Variants in USP25 observed in about 807,000 individuals in gnomAD.
The protein encoded by USP25 is ubiquitin specific peptidase 25.
A neutral mutation model predicts 158.5 loss-of-function variants in USP25; 85 were observed. The observed-to-expected ratio is 0.54, with a 90% CI of 0.45 to 0.64. USP25 has a LOEUF of 0.64. Among genes scored for constraint, USP25 ranks in the 30% least tolerant of loss-of-function variants. The pLI, the probability that USP25 is intolerant of heterozygous loss-of-function variation, is 0.00. For synonymous variants in USP25, 464 were observed against 460.4 expected (o/e 1.01, Z -0.10); for missense variants, 1,242 against 1,327.3 (o/e 0.94, Z 1.00).
intron 2 of USP25, 140 bp downstream of exon 2, chr21:15,763,108 T>A (rs1416219054): frequency 5.6e-6 from 4 of 709,022 alleles, no homozygotes; most frequent in Non-Finnish European, 8.5e-6. Flanking sequence ...TAAAGTAAAA[T>A]CCTCAGTTAA....
intron 9 of USP25, among the ~76,000 whole-genome samples, chr21:15,817,176 A>G (rs2036985759): frequency 6.6e-6 from 1 of 151,354 alleles, no homozygotes; most frequent in Non-Finnish European, 1.5e-5. Flanking sequence ...AGTTGTTCAA[A>G]AAAAAAAAAA....
intron 1 of USP25, among the ~76,000 whole-genome samples, chr21:15,756,011 G>A (rs1045999559): frequency 9.9e-5 from 15 of 152,132 alleles, no homozygotes; most frequent in African/African-American, 3.6e-4. Flanking sequence ...AAGGTGAGGG[G>A]CAGAACTGTA....
intron 14 of USP25, among the ~76,000 whole-genome samples, chr21:15,830,249 C>T (rs2037730745): frequency 6.6e-6 from 1 of 152,054 alleles, no homozygotes; most frequent in South Asian, 2.1e-4. Flanking sequence ...TTCATTGAAA[C>T]TCTCCTTTAT....
intron 21 of USP25, among the ~76,000 whole-genome samples, 195 bp from the exon 22 acceptor site, chr21:15,866,071 T>C (rs1158279756): frequency 2.6e-5 from 4 of 152,090 alleles, no homozygotes; most frequent in Non-Finnish European, 5.9e-5. Context: ...GAATTATTGC[T>C]CCTGTCTTCT....
At chr21:15,778,232 A>G (rs2034768921) in intron 4 of USP25, among the ~76,000 whole-genome samples, 2 of 151,994 alleles carry the variant, frequency 1.3e-5, no homozygotes, top group South Asian at 4.2e-4. Flanking sequence ...AGATTTTGGG[A>G]TGGTGTTATG....
At chr21:15,803,942 C>G (rs1247098302) in intron 6 of USP25, among the ~76,000 whole-genome samples, 1 of 151,800 alleles carries the variant, frequency 6.6e-6, no homozygotes, top group East Asian at 1.9e-4. Flanking sequence ...TCCCAGACCC[C>G]TAGAATTTTA....
rs1435764166 is a variant in USP25 at position 15,831,646 on chromosome 21, T to TG, written c.1993+19dup. ...TAATACAAGGTAAGAATATATAGGG[T>TG]GGTGTGTATTTTTAAATAGTCATAA... is the stretch of plus-strand genomic sequence containing the variant. On this transcript the variant is annotated intron_variant, in intron 16 of 25. Coordinates refer to ENST00000400183, the MANE Select transcript of USP25 (RefSeq NM_001283041.3). 6.2e-7 allele frequency: 1 copy of TG among 1,600,078 alleles called. No individual in the cohort carries two copies. Among genetic ancestry groups the TG allele is most frequent in the Non-Finnish European group, 8.6e-7 (1 of 1,168,546 alleles).
intron 1 of USP25, among the ~76,000 whole-genome samples, chr21:15,750,453 C>G (rs571791512): frequency 6.6e-6 from 1 of 151,014 alleles, no homozygotes; most frequent in East Asian, 2.0e-4. Flanking sequence ...TGGTCTTGAT[C>G]TCCTGACCTC....
Position 15,816,796 on chromosome 21 carries a change from GA to G in USP25, c.932-1892del, listed in dbSNP as rs112684819. Among the ~76,000 whole-genome samples, 18,464 of 149,084 alleles carry G rather than the reference GA, an allele frequency of 0.12. 3,335 individuals are homozygous for G. The highest frequency in any genetic ancestry group is 0.4 in the African/African-American group (16,380 of 40,920). ...TTTCCACTGCTACCTCAAAACTAAAGAAAAAAAAAATCCTGTGTTCTTACTT... is the reference window on the plus strand; with the variant it reads ...TTTCCACTGCTACCTCAAAACTAAAGAAAAAAAAATCCTGTGTTCTTACTT... On this transcript the variant is annotated intron_variant, in intron 9 of 25. Transcript: ENST00000400183. The surrounding 1 kb of genome is among the most constrained non-coding windows in gnomAD (Gnocchi z 4.0).
rs542425342 is a variant in USP25, at chr21:15,819,531, G to A, written c.1080+685G>A. ...TTAAGAAATTGCTGATAGTTGTCTA[G>A]CTGTTAAACTCCATGAATGTGGCTA... is the stretch of plus-strand genomic sequence containing the variant. On this transcript the variant is annotated intron_variant, in intron 10 of 25. Coordinates refer to ENST00000400183, the MANE Select transcript of USP25 (RefSeq NM_001283041.3). Among the ~76,000 whole-genome samples the A allele has an allele frequency of 2.6e-5, 4 of 152,218 alleles. No individual in the cohort carries two copies. The South Asian group carries it at 8.3e-4, about 32-fold the overall frequency.
At chr21:15,793,590 G>A (rs1489830218) in intron 5 of USP25, among the ~76,000 whole-genome samples, 1 of 151,240 alleles carries the variant, frequency 6.6e-6, no homozygotes, top group African/African-American at 2.4e-5. Flanking sequence ...TCCTAACATA[G>A]GCAAGTATAA....
In USP25 at chr21:15,843,440, C is replaced by T. The variant is rs1271550547; in HGVS notation, c.2337+900C>T. 6.6e-6 allele frequency among the ~76,000 whole-genome samples: 1 copy of T among 152,152 alleles called. No homozygotes were observed. The highest frequency in any genetic ancestry group is 1.5e-5 in the Non-Finnish European group (1 of 68,024). Reference sequence around the variant, plus strand: ...ATGAGGCCTTAAATATATAATAAGACTTCCTTTAGCCAAAATGTTCAAGAG... The same window carrying T: ...ATGAGGCCTTAAATATATAATAAGATTTCCTTTAGCCAAAATGTTCAAGAG... On this transcript the variant is annotated intron_variant, in intron 18 of 25. Coordinates refer to ENST00000400183, the MANE Select transcript of USP25 (RefSeq NM_001283041.3). This position sits in a 1 kb window ranked among gnomAD's most constrained non-coding sequence, Gnocchi z 4.0.
chr21:15,876,192 T>C (rs1040852099), intron 24 of USP25: 9 of 152,206 alleles, frequency 5.9e-5, no homozygotes, highest in Non-Finnish European at 1.3e-4. Context: ...TTTGATTCAG[T>C]GAACTTAACA....
chr21:15,837,878 TG>T lies in USP25; in HGVS notation c.2194+4332del, dbSNP rs546470445. Among the ~76,000 whole-genome samples the T allele has an allele frequency of 9.9e-4, 150 of 152,102 alleles. No individual in the cohort carries two copies. The Middle Eastern group carries it at 0.014, about 14-fold the overall frequency. On this transcript the variant is annotated intron_variant, in intron 17 of 25. Transcript: ENST00000400183. ...ACGGTTGGATCCTGAGAGTAAGACCTGGTAGAATAAACAGTATCGTCAGTGT... is the reference window on the plus strand; with the variant it reads ...ACGGTTGGATCCTGAGAGTAAGACCTGTAGAATAAACAGTATCGTCAGTGT...
intron 23 of USP25, among the ~76,000 whole-genome samples, chr21:15,873,150 C>T (rs543501293): frequency 4.0e-5 from 6 of 151,892 alleles, no homozygotes; most frequent in East Asian, 1.9e-4. Flanking sequence ...TGCTCTGTTG[C>T]GCAGGCTGGA....
At chr21:15,834,681 A>T (rs2037975643) in intron 17 of USP25, among the ~76,000 whole-genome samples, 1 of 152,216 alleles carries the variant, frequency 6.6e-6, no homozygotes, top group African/African-American at 2.4e-5. Flanking sequence ...ACTTATTTTC[A>T]TGTAGATCAA....
chr21:15,814,702 A>G (rs534493562), intron 9 of USP25, among the ~76,000 whole-genome samples: 33 of 152,294 alleles, frequency 2.2e-4, no homozygotes, highest in Admixed American at 1.9e-3. Flanking sequence ...TATCGGTGGA[A>G]GAAATTTCTA....
intron 5 of USP25, among the ~76,000 whole-genome samples, chr21:15,792,498 C>T (rs965194898): frequency 3.3e-5 from 5 of 151,356 alleles, no homozygotes; most frequent in Admixed American, 6.6e-5. Context: ...ATTTCATGTT[C>T]GTGATGAATG....
At chr21:15,757,138 G>C (rs2033431364) in intron 1 of USP25, among the ~76,000 whole-genome samples, 1 of 152,052 alleles carries the variant, frequency 6.6e-6, no homozygotes, top group South Asian at 2.1e-4. Flanking sequence ...AGGAAATGAA[G>C]GTTCAGGGTT....
Sources: gnomAD v4.1 joint callset for allele counts (sites outside exome capture counted in the v4.1 genomes callset) on GRCh38, gnomAD v4.1.1 for gene constraint, Gnocchi (gnomAD v3.1) non-coding constraint, MANE v1.5 for transcripts, NCBI Gene and HGNC (gene_info 2026-07-23, HGNC 2026-07-21) for gene names.